SLC9A1: variants seen among roughly 807,000 people sequenced by gnomAD.
The protein encoded by SLC9A1 is sodium/hydrogen exchanger 1.
Under a neutral mutation model 67.9 loss-of-function variants are expected in SLC9A1, and 22 were observed. That is an observed-to-expected ratio of 0.32 (90% CI 0.23 to 0.46). SLC9A1 has a LOEUF of 0.46. Ranked by LOEUF, SLC9A1 falls within the 20% of genes least tolerant of loss-of-function variation. The pLI, the probability that SLC9A1 is intolerant of heterozygous loss-of-function variation, is 1.00. For synonymous variants in SLC9A1, 421 were observed against 471.8 expected (o/e 0.89, Z 1.40); for missense variants, 686 against 1,094.8 (o/e 0.63, Z 5.27).
chr1:27,123,499 T>C (rs2083318963), intron 1 of SLC9A1, among the ~76,000 whole-genome samples: 1 of 152,096 alleles, frequency 6.6e-6, no homozygotes, highest in Admixed American at 6.5e-5. Flanking sequence ...CACTTTTTAT[T>C]TTTATTGGGC....
At position 27,131,947 on chromosome 1, in the gene SLC9A1, A is replaced by AATATATAT. The variant is rs71010329; in HGVS notation, c.353-17669_353-17662dup. ...AAAAGAAGAAGAAGAAGAAAAAAAA[A>AATATATAT]ATATATATATATATATATATATATA... On this transcript the variant is annotated intron_variant, in intron 1 of 11. Coordinates refer to ENST00000263980, the MANE Select transcript of SLC9A1 (RefSeq NM_003047.5). Among the ~76,000 whole-genome samples the AATATATAT allele has an allele frequency of 5.3e-3, 277 of 52,040 alleles. 4 individuals are homozygous for AATATATAT. The highest frequency in any genetic ancestry group is 0.013 in the Admixed American group (43 of 3,266). 34.1% of individuals were successfully genotyped at this position (52,040 alleles called of 152,430 possible). A position where few individuals can be genotyped will look rare whatever the true frequency, so the allele number is the denominator to read the frequency against.
Position 27,101,051 on chromosome 1 carries a change from G to A in SLC9A1, c.2110+152C>T, listed in dbSNP as rs2083139368. ...TCTCTCCCTAGGGATGGCCCCTGAC[G>A]TAGAAGCAGCTCATGGCTTGGGAGG... On this transcript the variant is annotated intron_variant, in intron 11 of 11. Coordinates refer to ENST00000263980, the MANE Select transcript of SLC9A1 (RefSeq NM_003047.5). This position sits in a 1 kb window ranked among gnomAD's most constrained non-coding sequence, Gnocchi z 4.9. 4.7e-6 allele frequency: 3 copies of A among 639,014 alleles called. No individual in the cohort carries two copies. The highest frequency in any genetic ancestry group is 8.2e-6 in the Non-Finnish European group (3 of 363,972). 39.6% of individuals were successfully genotyped at this position (639,014 alleles called of 1,614,324 possible).
At chr1:27,152,821 C>T (rs138783984) in intron 1 of SLC9A1, among the ~76,000 whole-genome samples, 2 of 152,182 alleles carry the variant, frequency 1.3e-5, no homozygotes, top group African/African-American at 2.4e-5. Flanking sequence ...CCGGCAGCAC[C>T]GCTCAGCTCC....
Position 27,101,836 on chromosome 1 carries a change from G to A in SLC9A1, c.1936-10C>T. On this transcript the variant is annotated splice_polypyrimidine_tract_variant and intron_variant, in intron 9 of 11. Transcript: ENST00000263980. This position sits in a 1 kb window ranked among gnomAD's most constrained non-coding sequence, Gnocchi z 4.9. ...TGTTGTAGGACCGCAGCTGTGGGAG[G>A]GACAGCGTCAGGGCAGTGCGGGCCC... 1 of 1,601,994 alleles carries A rather than the reference G, an allele frequency of 6.2e-7. No homozygotes were observed. Among genetic ancestry groups the A allele is most frequent in the South Asian group, 1.1e-5 (1 of 90,728 alleles).
At chr1:27,131,947 A>AAAAAAAAAAAAAAAAATATATATAT in intron 1 of SLC9A1, among the ~76,000 whole-genome samples, 1 of 52,118 alleles carries the variant, frequency 1.9e-5, no homozygotes, top group Non-Finnish European at 3.8e-5. Flanking sequence ...AGAAAAAAAA[A>AAAAAAAAAAAAAAAAATATATATAT]ATATATATAT....
intron 1 of SLC9A1, among the ~76,000 whole-genome samples, chr1:27,123,315 G>A (rs1248299892): frequency 6.6e-6 from 1 of 151,854 alleles, no homozygotes. Flanking sequence ...TGTTAAGTTT[G>A]GTATATATTC....
At chr1:27,134,351 G>A (rs1359073395) in intron 1 of SLC9A1, among the ~76,000 whole-genome samples, 12 of 152,182 alleles carry the variant, frequency 7.9e-5, no homozygotes. Context: ...AGCTCTGACA[G>A]CCCACGATTT....
At chr1:27,119,041 G>GC (rs2083289344) in intron 1 of SLC9A1, among the ~76,000 whole-genome samples, 1 of 106,648 alleles carries the variant, frequency 9.4e-6, no homozygotes, top group African/African-American at 4.0e-5. Context: ...TAGCTGGAAC[G>GC]AACACACACA....
At chr1:27,140,271 A>G (rs2083445916) in intron 1 of SLC9A1, among the ~76,000 whole-genome samples, 1 of 152,052 alleles carries the variant, frequency 6.6e-6, no homozygotes, top group African/African-American at 2.4e-5. Flanking sequence ...GGCTGGGATT[A>G]TATTTATCCA....
chr1:27,135,918 A>C (rs1189349050), intron 1 of SLC9A1, among the ~76,000 whole-genome samples: 1 of 152,260 alleles, frequency 6.6e-6, no homozygotes, highest in Non-Finnish European at 1.5e-5. Context: ...ATGATGATCC[A>C]AGTCAGAACT....
At chr1:27,143,046 TAAAAAAA>T (rs55970751) in intron 1 of SLC9A1, among the ~76,000 whole-genome samples, 4 of 98,416 alleles carry the variant, frequency 4.1e-5, no homozygotes, top group Middle Eastern at 0.011. Flanking sequence ...ATCAACTGTG[TAAAAAAA>T]AAAAAAAAAA....
chr1:27,121,994 T>C (rs886542257), intron 1 of SLC9A1, among the ~76,000 whole-genome samples: 1 of 152,164 alleles, frequency 6.6e-6, no homozygotes, highest in Admixed American at 6.5e-5. Flanking sequence ...TGTGCGCCTA[T>C]AGTCCTAGCT....
intron 1 of SLC9A1, among the ~76,000 whole-genome samples, chr1:27,132,901 C>G (rs1276103236): frequency 6.6e-6 from 1 of 152,202 alleles, no homozygotes; most frequent in South Asian, 2.1e-4. Flanking sequence ...GCCATTTCCA[C>G]TGCCTGGTAC....
chr1:27,124,316 G>C (rs530470893), intron 1 of SLC9A1, among the ~76,000 whole-genome samples: 1 of 151,190 alleles, frequency 6.6e-6, no homozygotes, highest in Non-Finnish European at 1.5e-5. Flanking sequence ...GCAAATCTGA[G>C]AGAAAAAAAA....
intron 1 of SLC9A1, among the ~76,000 whole-genome samples, chr1:27,134,459 A>G (rs908733086): frequency 6.6e-6 from 1 of 152,210 alleles, no homozygotes; most frequent in Non-Finnish European, 1.5e-5. Context: ...GGGTCCTCCT[A>G]CATTAAAGAT....
intron 1 of SLC9A1, among the ~76,000 whole-genome samples, chr1:27,126,613 C>G (rs1452560031): frequency 1.3e-5 from 2 of 152,136 alleles, no homozygotes; most frequent in Non-Finnish European, 2.9e-5. Flanking sequence ...GCTGGTTGGT[C>G]TGTCTCCCCC....
In SLC9A1 at chr1:27,154,089, G is replaced by C. The variant is rs1457611585; in HGVS notation, c.246C>G (p.Gly82=). The C allele has an allele frequency of 6.2e-7, 1 of 1,614,074 alleles. No homozygotes were observed. Among genetic ancestry groups the C allele is most frequent in the Admixed American group, 1.7e-5 (1 of 60,016 alleles). The change falls in exon 1 of 12, where the codon GGC becomes GGG. Residue 82 remains glycine, a synonymous_variant. Coordinates refer to ENST00000263980, the MANE Select transcript of SLC9A1 (RefSeq NM_003047.5). ...CTGGAAAGGCCTTGCGCGGCTTCAT[G>C]CCATGATCAGTGACGGAATGATTAA... ...RPVNHSVTDH[G]MKPRKAFPVL...
At chr1:27,149,111 C>A (rs1353319478) in intron 1 of SLC9A1, among the ~76,000 whole-genome samples, 2 of 152,224 alleles carry the variant, frequency 1.3e-5, no homozygotes, top group African/African-American at 4.8e-5. Context: ...CTACAGCTTT[C>A]TCAAGGCAGG....
chr1:27,132,304 A>T (rs1378574820), intron 1 of SLC9A1, among the ~76,000 whole-genome samples: 2 of 151,984 alleles, frequency 1.3e-5, no homozygotes, highest in African/African-American at 4.8e-5. Context: ...ATCAATGGAG[A>T]GGAAAGAACA....
Sources: allele counts gnomAD v4.1 joint callset (sites outside exome capture counted in the v4.1 genomes callset), GRCh38; gene constraint gnomAD v4.1.1; non-coding constraint Gnocchi (gnomAD v3.1); transcripts MANE v1.5; gene names NCBI Gene and HGNC (gene_info 2026-07-23, HGNC 2026-07-21).